The following CARS2 variants were observed in gnomAD, a reference collection of about 807,000 sequenced individuals.
The protein encoded by CARS2 is probable cysteine--tRNA ligase, mitochondrial.
Under a neutral mutation model 68.8 loss-of-function variants are expected in CARS2, and 52 were observed. The observed-to-expected ratio is 0.76, with a 90% CI of 0.61 to 0.95. The LOEUF (loss-of-function observed/expected upper bound fraction) is 0.95, where lower values mean the gene tolerates loss of function less well. CARS2 is among the 40% of genes least tolerant of loss of function. The pLI, the probability that CARS2 is intolerant of heterozygous loss-of-function variation, is 0.00. For synonymous variants in CARS2, 314 were observed against 303.6 expected (o/e 1.03, Z -0.36); for missense variants, 780 against 754.2 (o/e 1.03, Z -0.40).
chr13:110,652,297 A>G (rs927919946), intron 9 of CARS2, among the ~76,000 whole-genome samples: 1 of 152,376 alleles, frequency 6.6e-6, no homozygotes, highest in African/African-American at 2.4e-5. Flanking sequence ...TGGTCGTGGG[A>G]GCACAGAGCT....
chr13:110,657,488 G>A (rs556896363), intron 9 of CARS2, among the ~76,000 whole-genome samples: 2 of 152,350 alleles, frequency 1.3e-5, no homozygotes, highest in South Asian at 2.1e-4. Context: ...ACCGGAGCCA[G>A]TCAGAAGAGC....
exon 1 of CARS2, chr13:110,713,324 C>A: frequency 1.7e-6 from 2 of 1,143,522 alleles, no homozygotes; most frequent in Non-Finnish European, 2.2e-6. Context: ...AGGTTTCTGT[C>A]CCGCGGCCCG....
rs1197110116 is a variant in CARS2 at position 110,658,080 on chromosome 13, G to C, written c.987+5371C>G. Among the ~76,000 whole-genome samples the C allele has an allele frequency of 2.0e-5, 3 of 152,136 alleles. No individual in the cohort carries two copies. The South Asian group carries it at 6.2e-4, about 31-fold the overall frequency. On this transcript the variant is annotated intron_variant, in intron 9 of 14. Transcript: ENST00000257347. ...ATCCAAAATGTGGGATGTTCAACAA[G>C]ACAAGTGGCTCAATCTCTTCAAAAA...
chr13:110,701,270 G>C, intron 3 of CARS2, 168 bp downstream of exon 3: 1 of 530,836 alleles, frequency 1.9e-6, no homozygotes, highest in Non-Finnish European at 3.4e-6. Flanking sequence ...CACCATGTTT[G>C]TCAGGCTGGC....
chr13:110,642,802 C>T (rs543909742), intron 13 of CARS2: 114 of 684,892 alleles, frequency 1.7e-4, no homozygotes, highest in African/African-American at 3.3e-4. Flanking sequence ...CATGCCGCCC[C>T]GCCCTGAACA....
rs7335010 is a variant in CARS2, at chr13:110,676,300, C to G, written c.785+674G>C. Among the ~76,000 whole-genome samples the G allele has an allele frequency of 0.78, 118,021 of 152,226 alleles. 46,473 individuals carry two copies. Among genetic ancestry groups the G allele is most frequent in the Middle Eastern group, 0.85 (250 of 294 alleles). The stretch of plus-strand genomic sequence containing the variant: ...GCAGAGCCACAGGGTGTGGACACCT[C>G]AGGTGCGTCCAAGGGGACCAGGGAG... On this transcript the variant is annotated intron_variant, in intron 7 of 14. Coordinates refer to ENST00000257347, the MANE Select transcript of CARS2 (RefSeq NM_024537.4). The surrounding 1 kb of genome is among the most constrained non-coding windows in gnomAD (Gnocchi z 4.0).
In CARS2 at chr13:110,705,655, T is replaced by C; in HGVS notation, c.225-84A>G. 1 of 1,488,260 alleles carries C rather than the reference T, an allele frequency of 6.7e-7. No individual in the cohort carries two copies. Among genetic ancestry groups the C allele is most frequent in the Non-Finnish European group, 9.3e-7 (1 of 1,073,854 alleles). The allele number at this position is 1,488,260 out of a possible 1,614,324, so 92.2% of individuals were successfully genotyped here. On this transcript the variant is annotated intron_variant, in intron 1 of 14. Coordinates refer to ENST00000257347, the MANE Select transcript of CARS2 (RefSeq NM_024537.4). This position sits in a 1 kb window ranked among gnomAD's most constrained non-coding sequence, Gnocchi z 4.0. Reference sequence around the variant, plus strand: ...TCTGAGTTATAATGATCATATAATTTTTAAAGTAATCACTTCTGGGGGATG... The same window carrying C: ...TCTGAGTTATAATGATCATATAATTCTTAAAGTAATCACTTCTGGGGGATG...
Position 110,671,049 on chromosome 13 carries a change from A to G in CARS2, c.786-3576T>C, listed in dbSNP as rs191268864. ...AAAAGAAATGAACAAAGCCTCCGAG[A>G]AATATGGGACTATGTGAAAAGACCA... On this transcript the variant is annotated intron_variant, in intron 7 of 14. Coordinates refer to ENST00000257347, the MANE Select transcript of CARS2 (RefSeq NM_024537.4). Among the ~76,000 whole-genome samples, 104 of 152,314 alleles carry G rather than the reference A, an allele frequency of 6.8e-4. No individual in the cohort carries two copies. In the East Asian group the frequency reaches 0.017, roughly 24 times the overall value.
chr13:110,662,346 C>CCGTGGCCGGGCTCTGGCCCCACTCTG (rs2062533222), intron 9 of CARS2, among the ~76,000 whole-genome samples: 1 of 152,090 alleles, frequency 6.6e-6, no homozygotes, highest in Non-Finnish European at 1.5e-5. Context: ...TCATGCAACC[C>CCGTGGCCGGGCTCTGGCCCCACTCTG]CATGGCCAGG....
intron 3 of CARS2, among the ~76,000 whole-genome samples, chr13:110,694,771 A>T (rs1289575249): frequency 6.6e-6 from 1 of 152,216 alleles, no homozygotes; most frequent in Non-Finnish European, 1.5e-5. Flanking sequence ...AAGTCAAGGG[A>T]GTGACTCAGG....
At chr13:110,692,471 CA>C (rs995094786) in intron 3 of CARS2, among the ~76,000 whole-genome samples, 34 of 132,444 alleles carry the variant, frequency 2.6e-4, no homozygotes, top group East Asian at 8.7e-4. Flanking sequence ...AACTCCGTCT[CA>C]AAAAAAAAAA....
chr13:110,707,836 A>G (rs533939579), upstream of CARS2, among the ~76,000 whole-genome samples: 2 of 152,244 alleles, frequency 1.3e-5, no homozygotes, highest in South Asian at 4.1e-4. Context: ...GTGTACCTAG[A>G]GTAGTTTCTC....
chr13:110,680,707 C>T (rs150265029), intron 6 of CARS2, among the ~76,000 whole-genome samples: 25 of 152,308 alleles, frequency 1.6e-4, no homozygotes, highest in Non-Finnish European at 1.0e-4. Context: ...CTGGGGGAAC[C>T]GTGAGACACA....
In CARS2 at chr13:110,665,440, G is replaced by A. The variant is rs2139757373; in HGVS notation, c.919+1900C>T. The A allele has an allele frequency of 1.0e-6, 1 of 985,020 alleles. No homozygotes were observed. The highest frequency in any genetic ancestry group is 1.1e-4 in the East Asian group (1 of 8,804). The allele number at this position is 985,020 out of a possible 1,614,324, so 61.0% of individuals were successfully genotyped here. On this transcript the variant is annotated intron_variant, in intron 8 of 14. Coordinates refer to ENST00000257347, the MANE Select transcript of CARS2 (RefSeq NM_024537.4). This position sits in a 1 kb window ranked among gnomAD's most constrained non-coding sequence, Gnocchi z 4.3. Reference sequence around the variant, plus strand: ...CCAGGCTGGGGGACGGAGCGAAATTGTTTCAACAACAACAGCAAATGCTTT... The same window carrying A: ...CCAGGCTGGGGGACGGAGCGAAATTATTTCAACAACAACAGCAAATGCTTT...
chr13:110,667,752 A>T (rs959409394), intron 7 of CARS2, among the ~76,000 whole-genome samples: 1 of 152,214 alleles, frequency 6.6e-6, no homozygotes, highest in Non-Finnish European at 1.5e-5. Context: ...AACTCAAAAA[A>T]TTACCTTTAC....
At chr13:110,713,305 T>G in exon 1 of CARS2, 1 of 1,211,470 alleles carries the variant, frequency 8.3e-7, no homozygotes, top group Non-Finnish European at 1.0e-6. Context: ...CTGTGTACCA[T>G]GGTCTCGGAG....
intron 9 of CARS2, among the ~76,000 whole-genome samples, chr13:110,661,424 A>G (rs770895900): frequency 3.9e-5 from 6 of 152,166 alleles, no homozygotes; most frequent in Admixed American, 3.3e-4. Flanking sequence ...GCCTTGTTCC[A>G]GATTAGGCTG....
intron 13 of CARS2, 80 bp from the exon 14 acceptor site, chr13:110,642,601 T>TGG (rs1249639757): frequency 7.2e-7 from 1 of 1,383,234 alleles, no homozygotes; most frequent in Non-Finnish European, 1.0e-6. Flanking sequence ...GGTTGGGCTC[T>TGG]GGGCCGACAC....
chr13:110,706,290 C>G (rs193149161), upstream of CARS2: 389 of 346,624 alleles, frequency 1.1e-3, 4 homozygotes, highest in African/African-American at 6.8e-3. Context: ...AACCAGGGCC[C>G]GAAGAGGTTG....
Sources: gnomAD v4.1 joint callset for allele counts (sites outside exome capture counted in the v4.1 genomes callset) on GRCh38, gnomAD v4.1.1 for gene constraint, Gnocchi (gnomAD v3.1) non-coding constraint, MANE v1.5 for transcripts, NCBI Gene and HGNC (gene_info 2026-07-23, HGNC 2026-07-21) for gene names.